The following LPAR1 variants were observed in gnomAD, a reference collection of about 807,000 sequenced individuals.
LPAR1 encodes the protein lysophosphatidic acid receptor 1.
LPAR1 carries 5 observed loss-of-function variants against 23.8 expected under a neutral mutation model. That is an observed-to-expected ratio of 0.21 (90% confidence interval 0.11 to 0.44). The LOEUF is 0.44. LPAR1 is among the 20% of genes least tolerant of loss of function. The probability of loss-of-function intolerance (pLI) is 0.99; values close to 1 mark genes in which losing one functional copy is unlikely to be tolerated. For synonymous variants in LPAR1, 160 were observed against 164.7 expected (o/e 0.97, Z 0.22); for missense variants, 311 against 482.8 (o/e 0.64, Z 3.33).
chr9:110,954,542 G>A (rs1015613020), intron 4 of LPAR1, among the ~76,000 whole-genome samples: 1 of 151,874 alleles, frequency 6.6e-6, no homozygotes, highest in Non-Finnish European at 1.5e-5. Context: ...AAAAGTCAAG[G>A]ACAAACAGAG....
At chr9:110,957,273 C>G (rs749721530) in intron 4 of LPAR1, among the ~76,000 whole-genome samples, 93 of 151,024 alleles carry the variant, frequency 6.2e-4, no homozygotes, top group Middle Eastern at 3.4e-3. Flanking sequence ...AAGAGGAACC[C>G]TTGAGCCCAG....
At chr9:110,919,976 T>C (rs1010745306) in intron 5 of LPAR1, among the ~76,000 whole-genome samples, 3 of 152,068 alleles carry the variant, frequency 2.0e-5, no homozygotes, top group Non-Finnish European at 4.4e-5. Flanking sequence ...GGCATGAAAA[T>C]CACCAAATGA....
chr9:111,018,207 T>C (rs2097493817), intron 2 of LPAR1, among the ~76,000 whole-genome samples: 1 of 152,220 alleles, frequency 6.6e-6, no homozygotes, highest in Non-Finnish European at 1.5e-5. Flanking sequence ...CAGATTATTA[T>C]TAAAGTTTCC....
At chr9:110,884,845 G>C (rs1057181038) in intron 5 of LPAR1, among the ~76,000 whole-genome samples, 11 of 152,134 alleles carry the variant, frequency 7.2e-5, no homozygotes, top group Admixed American at 7.2e-4. Context: ...ATGAATGTTG[G>C]ATATTTGGGA....
At position 110,942,176 on chromosome 9, in the gene LPAR1, A is replaced by G. The variant is rs751594313; in HGVS notation, c.46-8T>C. 3 of 1,588,302 alleles carry G rather than the reference A, an allele frequency of 1.9e-6. No individual in the cohort carries two copies. The highest frequency in any genetic ancestry group is 2.6e-6 in the Non-Finnish European group (3 of 1,170,308). ...TTCATTCATGGCTGTGAACTAAAAGAAAAAGGAGAAAAGATGATGAAAAAG... is the reference window on the plus strand; with the variant it reads ...TTCATTCATGGCTGTGAACTAAAAGGAAAAGGAGAAAAGATGATGAAAAAG... On this transcript the variant is annotated splice_polypyrimidine_tract_variant and splice_region_variant and intron_variant, in intron 4 of 5. Coordinates refer to ENST00000683809, the MANE Select transcript of LPAR1 (RefSeq NM_001351411.2).
intron 4 of LPAR1, among the ~76,000 whole-genome samples, chr9:110,971,526 C>T (rs1039282279): frequency 2.6e-5 from 4 of 152,248 alleles, no homozygotes; most frequent in Non-Finnish European, 4.4e-5. Flanking sequence ...CATGTCCCTG[C>T]CGTATTACTG....
rs74904202 is a variant in LPAR1 at position 110,894,663 on chromosome 9, C to G, written c.794-18941G>C. Among the ~76,000 whole-genome samples the G allele has an allele frequency of 6.6e-3, 1,009 of 152,250 alleles. 12 individuals carry two copies. The highest frequency in any genetic ancestry group is 0.023 in the African/African-American group (962 of 41,522). On this transcript the variant is annotated intron_variant, in intron 5 of 5. Coordinates refer to ENST00000683809, the MANE Select transcript of LPAR1 (RefSeq NM_001351411.2). ...TTAATCTGAAACAATTCTGAAGTAA[C>G]CCATCAGCATTTCTTGATGACTTCT...
At chr9:110,905,640 A>G (rs1241237915) in intron 5 of LPAR1, among the ~76,000 whole-genome samples, 2 of 152,154 alleles carry the variant, frequency 1.3e-5, no homozygotes, top group Non-Finnish European at 2.9e-5. Context: ...GGTGTGAGCC[A>G]CGGCACCCAG....
chr9:110,924,981 T>G (rs1431159230), intron 5 of LPAR1, among the ~76,000 whole-genome samples: 2 of 152,188 alleles, frequency 1.3e-5, no homozygotes, highest in Non-Finnish European at 2.9e-5. Context: ...ACGGCCAGAT[T>G]TGCTTCATAA....
chr9:111,031,126 C>CAA (rs143311668), intron 2 of LPAR1, among the ~76,000 whole-genome samples: 1 of 150,858 alleles, frequency 6.6e-6, no homozygotes, highest in Non-Finnish European at 1.5e-5. Context: ...TGAATCATTG[C>CAA]AAAAAAAAAT....
At chr9:110,890,123 G>T (rs2083639691) in intron 5 of LPAR1, among the ~76,000 whole-genome samples, 1 of 152,102 alleles carries the variant, frequency 6.6e-6, no homozygotes, top group Non-Finnish European at 1.5e-5. Context: ...GATAACCATA[G>T]ATGATGAAGT....
intron 2 of LPAR1, among the ~76,000 whole-genome samples, chr9:110,983,386 C>G (rs558676038): frequency 9.9e-5 from 15 of 151,974 alleles, no homozygotes; most frequent in Non-Finnish European, 1.9e-4. Flanking sequence ...AGACATTATG[C>G]TAAGTGAAAT....
rs1588883158 is a variant in LPAR1, at chr9:111,017,674, G to T, written c.-182+18448C>A. On this transcript the variant is annotated intron_variant, in intron 2 of 5. Transcript: ENST00000683809. ...CTAGTAGTTAACCAGTTATTTCACA[G>T]AAGTATACTCATCAGGAATACCCTA... is the stretch of plus-strand genomic sequence containing the variant. Among the ~76,000 whole-genome samples the T allele has an allele frequency of 2.0e-5, 3 of 152,282 alleles. No homozygotes were observed. The Middle Eastern group carries it at 0.01, about 518-fold the overall frequency.
At chr9:111,009,994 G>T (rs2097296945) in intron 2 of LPAR1, among the ~76,000 whole-genome samples, 2 of 99,418 alleles carry the variant, frequency 2.0e-5, no homozygotes, top group Non-Finnish European at 4.0e-5. Context: ...TTCATAATTA[G>T]GAAAATATAT....
chr9:110,988,683 T>C (rs759171090), intron 2 of LPAR1, among the ~76,000 whole-genome samples: 3 of 152,172 alleles, frequency 2.0e-5, no homozygotes, highest in South Asian at 2.1e-4. Flanking sequence ...CCCTTATACA[T>C]TGCTGGTGGG....
chr9:110,942,207 A>T, intron 4 of LPAR1, 39 bp from the exon 5 acceptor site: 1 of 1,556,486 alleles, frequency 6.4e-7, no homozygotes, highest in Non-Finnish European at 8.7e-7. Flanking sequence ...AAAAGAAGGC[A>T]CAGGTCCAAA....
chr9:110,877,590 A>G (rs2079456317), intron 5 of LPAR1, among the ~76,000 whole-genome samples: 1 of 152,232 alleles, frequency 6.6e-6, no homozygotes, highest in Non-Finnish European at 1.5e-5. Context: ...CAGGAAGGGA[A>G]TTATTCTCAG....
intron 2 of LPAR1, among the ~76,000 whole-genome samples, chr9:110,987,056 T>C (rs1359547467): frequency 6.6e-6 from 1 of 152,128 alleles, no homozygotes; most frequent in African/African-American, 2.4e-5. Context: ...ATATGCATGG[T>C]TTCCATCAAG....
At chr9:110,986,739 G>A (rs1378935496) in intron 2 of LPAR1, among the ~76,000 whole-genome samples, 1 of 151,170 alleles carries the variant, frequency 6.6e-6, no homozygotes, top group Non-Finnish European at 1.5e-5. Flanking sequence ...GCTGTGGTAA[G>A]TAAAGTGATT....
Sources: gnomAD v4.1 joint callset for allele counts (sites outside exome capture counted in the v4.1 genomes callset) on GRCh38, gnomAD v4.1.1 for gene constraint, MANE v1.5 for transcripts, NCBI Gene and HGNC (gene_info 2026-07-23, HGNC 2026-07-21) for gene names.